The following UBE2G1 variants were observed in gnomAD, a reference collection of about 807,000 sequenced individuals.
The protein encoded by UBE2G1 is ubiquitin-conjugating enzyme E2 G1.
In UBE2G1, 5 loss-of-function variants were observed where a neutral mutation model predicts 22.7. The ratio of observed to expected loss-of-function variants is 0.22; its 90% CI spans 0.12 to 0.46. The LOEUF (loss-of-function observed/expected upper bound fraction) is 0.46, where lower values mean the gene tolerates loss of function less well. Ranked by LOEUF, UBE2G1 falls within the 20% of genes least tolerant of loss-of-function variation. The pLI, the probability that UBE2G1 is intolerant of heterozygous loss-of-function variation, is 0.99. For missense variants in UBE2G1, 88 were observed against 203.9 expected (o/e 0.43, Z 3.46); for synonymous variants, 74 against 67.5 (o/e 1.10, Z -0.47).
At chr17:4,302,314 T>C (rs1363444141) in intron 2 of UBE2G1, 1 of 474,322 alleles carries the variant, frequency 2.1e-6, no homozygotes, top group Non-Finnish European at 4.3e-6. Context: ...CTGCGTGTGG[T>C]TGCAGCCACT....
chr17:4,323,981 A>C (rs1350100890), intron 1 of UBE2G1, among the ~76,000 whole-genome samples: 1 of 152,246 alleles, frequency 6.6e-6, no homozygotes, highest in Non-Finnish European at 1.5e-5. Context: ...TAAAACCATT[A>C]AGTGAAAAGG....
At chr17:4,283,688 T>C (rs1968924083) in intron 4 of UBE2G1, among the ~76,000 whole-genome samples, 1 of 151,182 alleles carries the variant, frequency 6.6e-6, no homozygotes, top group Non-Finnish European at 1.5e-5. Flanking sequence ...CTGCCTGACA[T>C]ACAAAAATGG....
intron 2 of UBE2G1, 30 bp downstream of exon 2, chr17:4,306,986 CTCCAT>C: frequency 6.3e-7 from 1 of 1,575,798 alleles, no homozygotes; most frequent in Non-Finnish European, 8.7e-7. Context: ...ATTAAAAGAG[CTCCAT>C]TTTGAAGATG....
intron 5 of UBE2G1, among the ~76,000 whole-genome samples, chr17:4,278,159 C>T (rs1480561306): frequency 6.6e-6 from 1 of 152,246 alleles, no homozygotes; most frequent in East Asian, 1.9e-4. Context: ...CTTGGCCTCC[C>T]AAAGTGCTGG....
At chr17:4,283,426 G>C (rs1968919079) in intron 4 of UBE2G1, among the ~76,000 whole-genome samples, 1 of 152,164 alleles carries the variant, frequency 6.6e-6, no homozygotes, top group Non-Finnish European at 1.5e-5. Flanking sequence ...CTTGAACTGG[G>C]GAAGTGGAGC....
At chr17:4,328,650 C>T (rs368277094) in intron 1 of UBE2G1, among the ~76,000 whole-genome samples, 2 of 152,294 alleles carry the variant, frequency 1.3e-5, no homozygotes, top group East Asian at 3.9e-4. Context: ...CATAAAACAA[C>T]CCTGAAGTTA....
chr17:4,272,096 C>A lies in UBE2G1; in HGVS notation c.*458G>T, dbSNP rs1356129331. The stretch of plus-strand genomic sequence containing the variant: ...GGAAATTAAATGGAAACTTTTAATC[C>A]TAATTGCTTTTCATCTGACATGCTT... On this transcript the variant is annotated 3_prime_UTR_variant, in exon 6 of 6. Coordinates refer to ENST00000396981, the MANE Select transcript of UBE2G1 (RefSeq NM_003342.5). The A allele has an allele frequency of 6.6e-6, 1 of 152,456 alleles. No individual in the cohort carries two copies. The highest frequency in any genetic ancestry group is 6.6e-5 in the Admixed American group (1 of 15,266). 9.4% of individuals were successfully genotyped at this position (152,456 alleles called of 1,614,324 possible).
At chr17:4,296,629 G>T in intron 3 of UBE2G1, 88 bp downstream of exon 3, 2 of 1,326,938 alleles carry the variant, frequency 1.5e-6, no homozygotes, top group South Asian at 2.3e-5. Context: ...CAATTTCACT[G>T]AGAAACAGAT....
chr17:4,352,046 T>C (rs1369871574), intron 1 of UBE2G1, among the ~76,000 whole-genome samples: 1 of 151,656 alleles, frequency 6.6e-6, no homozygotes, highest in Non-Finnish European at 1.5e-5. Context: ...GCGGGTGAGG[T>C]GAGGAGTTAG....
rs1369488495 is a variant in UBE2G1, at chr17:4,348,248, A to G, written c.46+18023T>C. 5.3e-5 allele frequency among the ~76,000 whole-genome samples: 8 copies of G among 152,080 alleles called. No individual in the cohort carries two copies. In the South Asian group the frequency reaches 1.7e-3, roughly 32 times the overall value. ...ACTCCAGTCTAGGTGACAGAGCAAG[A>G]CCCTGTCTGTAAAGAAAAAAATAGG... is the stretch of plus-strand genomic sequence containing the variant. On this transcript the variant is annotated intron_variant, in intron 1 of 5. Transcript: ENST00000396981.
At chr17:4,291,325 A>ATG (rs1969036938) in intron 3 of UBE2G1, among the ~76,000 whole-genome samples, 1 of 143,210 alleles carries the variant, frequency 7.0e-6, no homozygotes, top group Admixed American at 7.6e-5. Flanking sequence ...ACACCACTGC[A>ATG]GTCTAGCCTG....
intron 1 of UBE2G1, among the ~76,000 whole-genome samples, chr17:4,343,763 T>A (rs1969737883): frequency 1.3e-5 from 2 of 151,624 alleles, no homozygotes; most frequent in Admixed American, 6.6e-5. Flanking sequence ...TAATTTTTTG[T>A]ACTTTAATTA....
intron 1 of UBE2G1, among the ~76,000 whole-genome samples, chr17:4,340,315 T>C (rs1323164094): frequency 6.6e-6 from 1 of 152,238 alleles, no homozygotes; most frequent in Non-Finnish European, 1.5e-5. Context: ...AGAACATAGC[T>C]ACTGAATTTT....
chr17:4,364,056 A>T (rs1206596309), intron 1 of UBE2G1: 3 of 150,096 alleles, frequency 2.0e-5, no homozygotes, highest in Admixed American at 6.7e-5. Flanking sequence ...CCAGGTCAGG[A>T]GTTCAAGACC....
intron 1 of UBE2G1, among the ~76,000 whole-genome samples, chr17:4,314,353 A>G (rs564358320): frequency 4.6e-5 from 7 of 152,382 alleles, no homozygotes; most frequent in South Asian, 4.1e-4. Flanking sequence ...AATATGGGAC[A>G]ATTTGAGTGT....
chr17:4,355,017 AG>A (rs990003587), intron 1 of UBE2G1, among the ~76,000 whole-genome samples: 3 of 151,956 alleles, frequency 2.0e-5, no homozygotes, highest in African/African-American at 4.8e-5. Context: ...GCTTGAGCCG[AG>A]GAAGTGGAGG....
chr17:4,346,431 C>CTTTTTTTTTTTTTTTTTTTT (rs67852481), intron 1 of UBE2G1, among the ~76,000 whole-genome samples: 1 of 120,530 alleles, frequency 8.3e-6, no homozygotes, highest in Admixed American at 8.6e-5. Flanking sequence ...TTTTCTTCTT[C>CTTTTTTTTTTTTTTTTTTTT]TTTTTTTTTT....
At chr17:4,310,496 A>G (rs1047400329) in intron 1 of UBE2G1, among the ~76,000 whole-genome samples, 4 of 152,226 alleles carry the variant, frequency 2.6e-5, no homozygotes, top group African/African-American at 9.6e-5. Context: ...AGCATGTACA[A>G]AAACTTGAAA....
chr17:4,285,083 A>G (rs1598179979), intron 4 of UBE2G1, among the ~76,000 whole-genome samples: 1 of 151,580 alleles, frequency 6.6e-6, no homozygotes, highest in Non-Finnish European at 1.5e-5. Context: ...GCCTTAAGTA[A>G]CTCACCTGCC....
Sources: gnomAD v4.1 joint callset for allele counts (sites outside exome capture counted in the v4.1 genomes callset) on GRCh38, gnomAD v4.1.1 for gene constraint, MANE v1.5 for transcripts, NCBI Gene and HGNC (gene_info 2026-07-23, HGNC 2026-07-21) for gene names.